Variants in ST7L observed in about 807,000 individuals in gnomAD.
ST7L encodes the protein suppressor of tumorigenicity 7 protein-like.
Under a neutral mutation model 72.5 loss-of-function variants are expected in ST7L, and 57 were observed. The ratio of observed to expected loss-of-function variants is 0.79; its 90% CI spans 0.64 to 0.98. The LOEUF is 0.98. Among genes scored for constraint, ST7L ranks in the 50% least tolerant of loss-of-function variants. The pLI, the probability that ST7L is intolerant of heterozygous loss-of-function variation, is 0.00. For synonymous variants in ST7L, 221 were observed against 240.9 expected (o/e 0.92, Z 0.77); for missense variants, 576 against 672.2 (o/e 0.86, Z 1.58).
rs758252296 is a variant in ST7L, at chr1:112,598,022, G to C, written c.571C>G (p.His191Asp). The C allele has an allele frequency of 6.2e-7, 1 of 1,613,816 alleles. No homozygotes were observed. The highest frequency in any genetic ancestry group is 1.7e-5 in the Admixed American group (1 of 59,964). Reference protein sequence around the residue: ...YYDMNLSAQDHQTFFTCDTDF... With the variant: ...YYDMNLSAQDDQTFFTCDTDF... Reference sequence around the variant, plus strand: ...GTGTCACAGGTGAAAAAGGTCTGATGGTCCTGAGCTGACAGGTTCATGTCA... The same window carrying C: ...GTGTCACAGGTGAAAAAGGTCTGATCGTCCTGAGCTGACAGGTTCATGTCA... Residue 191 changes from histidine (H) to aspartate (D), a missense_variant, in exon 5 of 15, where the codon CAT becomes GAT. By Grantham distance (81) the His-to-Asp change is moderately conservative. This residue lies in a region of ST7L where 511 missense variants were observed against 600.7 expected (regional missense o/e 0.85). Coordinates refer to ENST00000358039, the MANE Select transcript of ST7L (RefSeq NM_017744.5).
chr1:112,578,340 C>T lies in ST7L; in HGVS notation c.1142+5G>A, dbSNP rs200840993. On this transcript the variant is annotated splice_donor_5th_base_variant and intron_variant, in intron 10 of 14. Transcript: ENST00000358039. ...CCAAATCATTGTAGTTTTTATAACA[C>T]GTACTTTTCTGAAACAGTCCTTGTC... 2.5e-5 allele frequency: 41 copies of T among 1,613,164 alleles called. No homozygotes were observed. Among genetic ancestry groups the T allele is most frequent in the African/African-American group, 1.3e-4 (10 of 74,902 alleles).
chr1:112,543,868 C>CAAAA (rs11418345), intron 13 of ST7L, among the ~76,000 whole-genome samples: 19 of 59,396 alleles, frequency 3.2e-4, no homozygotes, highest in African/African-American at 1.1e-3. Context: ...GACTCTATCT[C>CAAAA]AAAAAAAAAA....
intron 13 of ST7L, among the ~76,000 whole-genome samples, chr1:112,545,060 C>T (rs1033686891): frequency 5.9e-5 from 9 of 151,954 alleles, no homozygotes; most frequent in Non-Finnish European, 8.8e-5. Context: ...TTCCAGAATG[C>T]GGTAAGTCAT....
At chr1:112,552,890 G>A (rs1254491010) in intron 12 of ST7L, among the ~76,000 whole-genome samples, 1 of 151,844 alleles carries the variant, frequency 6.6e-6, no homozygotes, top group Non-Finnish European at 1.5e-5. Flanking sequence ...GATTGCCTGA[G>A]GCCAGGAGTT....
chr1:112,588,264 A>G (rs1398829577), intron 6 of ST7L, among the ~76,000 whole-genome samples: 1 of 152,180 alleles, frequency 6.6e-6, no homozygotes, highest in African/African-American at 2.4e-5. Context: ...TTCCTTTCCA[A>G]TTTAGATGCC....
chr1:112,582,595 C>G lies in ST7L; in HGVS notation c.857-123G>C, dbSNP rs535057483. The G allele has an allele frequency of 9.3e-6, 5 of 535,066 alleles. No individual in the cohort carries two copies. The East Asian group carries it at 1.5e-4, about 16-fold the overall frequency. The allele number at this position is 535,066 out of a possible 1,614,324, so 33.1% of individuals were successfully genotyped here. On this transcript the variant is annotated intron_variant, in intron 7 of 14. Transcript: ENST00000358039. ...AGAGTCAATTAAAATTAAATTGTGT[C>G]AGAATGGAAGAATATTAATGATGTC...
In ST7L at chr1:112,528,795, G is replaced by A. The variant is rs186376194; in HGVS notation, c.1630-2684C>T. 9 of 152,306 alleles carry A rather than the reference G, an allele frequency of 5.9e-5. No homozygotes were observed. In the East Asian group the frequency reaches 1.7e-3, roughly 29 times the overall value. 9.4% of individuals were successfully genotyped at this position (152,306 alleles called of 1,614,324 possible). A position where few individuals can be genotyped will look rare whatever the true frequency, so the allele number is the denominator to read the frequency against. ...TTGGTATATTGAATTTTTGCAGCTA[G>A]CAGATTTATCGTATCTGAGGCCATA... On this transcript the variant is annotated intron_variant, in intron 14 of 14. Coordinates refer to ENST00000358039, the MANE Select transcript of ST7L (RefSeq NM_017744.5).
At position 112,610,905 on chromosome 1, in the gene ST7L, G is replaced by T. The variant is rs771641500; in HGVS notation, c.387C>A (p.Ser129Arg). 36 of 1,614,082 alleles carry T rather than the reference G, an allele frequency of 2.2e-5. No individual in the cohort carries two copies. Among genetic ancestry groups the T allele is most frequent in the Non-Finnish European group, 2.0e-5 (24 of 1,180,048 alleles). Residue 129 changes from serine (S) to arginine (R), a missense_variant, in exon 3 of 15, where the codon AGC becomes AGA. Around this residue, in one of 3 missense-constraint regions of ST7L, gnomAD observed 511 missense variants for 600.7 expected, o/e 0.85. Transcript: ENST00000358039. Reference protein sequence around the residue: ...LQPLMGGTESSISEPGSPSRN... With the variant: ...LQPLMGGTESRISEPGSPSRN... The stretch of plus-strand genomic sequence containing the variant: ...TCGAAGGAGAACCTGGTTCTGAAAT[G>T]CTGCTCTCTGTTCCTCCCATCAGTG...
At chr1:112,618,882 C>G in intron 1 of ST7L, 27 bp downstream of exon 1, 1 of 1,550,404 alleles carries the variant, frequency 6.4e-7, no homozygotes, top group Non-Finnish European at 8.7e-7. Flanking sequence ...GCCCCCCGCC[C>G]TGCCCCAGGA....
downstream of ST7L, chr1:112,523,282 A>G (rs1309807789): frequency 6.6e-6 from 1 of 152,208 alleles, no homozygotes; most frequent in African/African-American, 2.4e-5. Flanking sequence ...AAGTTTTGCA[A>G]TTTCCTATAA....
Position 112,576,979 on chromosome 1 carries a change from T to G in ST7L, c.1245+7A>C, listed in dbSNP as rs779041974. 1.1e-5 allele frequency: 17 copies of G among 1,577,294 alleles called. No homozygotes were observed. The East Asian group carries it at 3.4e-4, about 31-fold the overall frequency. ...AAAGGTAGTATTTTTATCATAAAAT[T>G]TCTCACTTTTGGAACATGAGGATTA... is the stretch of plus-strand genomic sequence containing the variant. On this transcript the variant is annotated splice_region_variant and intron_variant, in intron 11 of 14. Coordinates refer to ENST00000358039, the MANE Select transcript of ST7L (RefSeq NM_017744.5).
At chr1:112,611,132 A>G (rs545914686) in intron 2 of ST7L, 129 bp from the exon 3 acceptor site, 1 of 771,908 alleles carries the variant, frequency 1.3e-6, no homozygotes, top group Admixed American at 3.5e-5. Context: ...AAAAAGAAAA[A>G]AACATACAAA....
intron 3 of ST7L, among the ~76,000 whole-genome samples, chr1:112,608,793 C>G (rs1319474216): frequency 1.3e-5 from 2 of 152,090 alleles, no homozygotes; most frequent in African/African-American, 2.4e-5. Context: ...GCTGCCAACC[C>G]CACCCCACTA....
rs148388682 is a variant in ST7L, at chr1:112,549,803, C to A, written c.1489+798G>T. On this transcript the variant is annotated intron_variant, in intron 13 of 14. Transcript: ENST00000358039. ...ATTGCTTTTTGTTGCCTGGTAACAC[C>A]AGCTAGAACCTCTAGTACAATATTA... Among the ~76,000 whole-genome samples, 676 of 152,196 alleles carry A rather than the reference C, an allele frequency of 4.4e-3. 1 individual carries two copies. Among genetic ancestry groups the A allele is most frequent in the African/African-American group, 0.016 (644 of 41,526 alleles).
At chr1:112,584,613 G>A (rs1308497164) in intron 6 of ST7L, among the ~76,000 whole-genome samples, 5 of 151,728 alleles carry the variant, frequency 3.3e-5, no homozygotes, top group East Asian at 1.9e-4. Context: ...TCAGCCTCCC[G>A]AGTAGCTGGG....
chr1:112,579,717 T>C (rs1663793292), intron 9 of ST7L, among the ~76,000 whole-genome samples: 1 of 152,208 alleles, frequency 6.6e-6, no homozygotes, highest in Non-Finnish European at 1.5e-5. Flanking sequence ...AGAATCATAC[T>C]AGCAAATGGA....
chr1:112,537,933 T>G (rs930765569), intron 14 of ST7L, among the ~76,000 whole-genome samples: 1 of 152,054 alleles, frequency 6.6e-6, no homozygotes, highest in Non-Finnish European at 1.5e-5. Context: ...TTCATTTCTC[T>G]AAATCTGATG....
Position 112,583,964 on chromosome 1 carries a change from T to C in ST7L, c.856+8A>G. The C allele has an allele frequency of 6.2e-7, 1 of 1,612,132 alleles. No individual in the cohort carries two copies. Among genetic ancestry groups the C allele is most frequent in the Non-Finnish European group, 8.5e-7 (1 of 1,179,340 alleles). Reference sequence around the variant, plus strand: ...AAAGACAGTAATAACCAGTTCAAACTTGCTTACTCAGTTGAGCTTCATGCT... The same window carrying C: ...AAAGACAGTAATAACCAGTTCAAACCTGCTTACTCAGTTGAGCTTCATGCT... On this transcript the variant is annotated splice_region_variant and intron_variant, in intron 7 of 14. Coordinates refer to ENST00000358039, the MANE Select transcript of ST7L (RefSeq NM_017744.5).
intron 11 of ST7L, among the ~76,000 whole-genome samples, chr1:112,573,914 T>G (rs1394825836): frequency 2.9e-5 from 4 of 138,706 alleles, no homozygotes; most frequent in Non-Finnish European, 6.3e-5. Context: ...TTTCCTGTTT[T>G]TTTTTTTTTT....
Sources: gnomAD v4.1 joint callset for allele counts (sites outside exome capture counted in the v4.1 genomes callset) on GRCh38, gnomAD v4.1.1 for gene constraint, gnomAD v4.1.1 regional missense constraint, MANE v1.5 for transcripts, NCBI Gene and HGNC (gene_info 2026-07-23, HGNC 2026-07-21) for gene names.